FREM2: variants seen among roughly 807,000 people sequenced by gnomAD.
The protein encoded by FREM2 is FRAS1-related extracellular matrix protein 2.
FREM2 carries 119 observed loss-of-function variants against 219.9 expected under a neutral mutation model. That is an observed-to-expected ratio of 0.54 (90% confidence interval 0.47 to 0.63). The LOEUF (loss-of-function observed/expected upper bound fraction) is 0.63, where lower values mean the gene tolerates loss of function less well. FREM2 is among the 30% of genes least tolerant of loss of function. The probability of loss-of-function intolerance (pLI) is 0.00; values close to 1 mark genes in which losing one functional copy is unlikely to be tolerated. For synonymous variants in FREM2, 1,562 were observed against 1,522.8 expected (o/e 1.03, Z -0.60); for missense variants, 4,030 against 3,993.6 (o/e 1.01, Z -0.25).
At position 38,848,440 on chromosome 13, in the gene FREM2, AT is replaced by A; in HGVS notation, c.6170-14del. On this transcript the variant is annotated intron_variant, in intron 7 of 23. Transcript: ENST00000280481. ...AAATTTAATTAGTCCCCAACTGAAT[AT>A]TTTTTTGTTACTGTCATAGCTGGAA... 5.7e-6 allele frequency: 9 copies of A among 1,569,628 alleles called. No individual in the cohort carries two copies. Among genetic ancestry groups the A allele is most frequent in the Non-Finnish European group, 7.9e-6 (9 of 1,139,506 alleles).
rs374734549 is a variant in FREM2, at chr13:38,851,084, A to G, written c.6718A>G (p.Ile2240Val). 18 of 1,610,586 alleles carry G rather than the reference A, an allele frequency of 1.1e-5. No homozygotes were observed. In the Admixed American group the frequency reaches 1.5e-4, roughly 13 times the overall value. ...AGTTGGTGAACAAAATGAAACTCTC[A>G]TAAGGATCCGAGATGATGCTGATAG... ...AAVGEQNETL[I>V]RIRDDADKTV... The change falls in exon 10 of 24, where the codon ATA becomes GTA. Residue 2240 changes from isoleucine to valine, a missense_variant. Coordinates refer to ENST00000280481, the MANE Select transcript of FREM2 (RefSeq NM_207361.6).
intron 2 of FREM2, among the ~76,000 whole-genome samples, chr13:38,757,738 C>T (rs1309461549): frequency 6.6e-6 from 1 of 151,958 alleles, no homozygotes; most frequent in Admixed American, 6.6e-5. Context: ...GGGATTACAC[C>T]TGCCACCAAG....
At chr13:38,880,255 T>C in intron 23 of FREM2, 29 bp from the exon 24 acceptor site, 1 of 1,608,104 alleles carries the variant, frequency 6.2e-7, no homozygotes, top group Non-Finnish European at 8.5e-7. Context: ...TATCTAGTAT[T>C]TCCTAATAAA....
chr13:38,809,929 C>T (rs552308447), intron 6 of FREM2, among the ~76,000 whole-genome samples: 1 of 152,042 alleles, frequency 6.6e-6, no homozygotes, highest in Admixed American at 6.6e-5. Context: ...GTAGTATGAA[C>T]ATTTAAAAAT....
At chr13:38,819,126 G>T (rs549514317) in intron 6 of FREM2, among the ~76,000 whole-genome samples, 6 of 152,244 alleles carry the variant, frequency 3.9e-5, no homozygotes, top group Admixed American at 3.9e-4. Flanking sequence ...TAGTGGGTTT[G>T]TTAGCAATAG....
intron 16 of FREM2, among the ~76,000 whole-genome samples, chr13:38,866,693 A>G (rs1219672087): frequency 1.3e-5 from 2 of 151,008 alleles, no homozygotes; most frequent in Non-Finnish European, 2.9e-5. Flanking sequence ...AAATCACTTC[A>G]TGCTATTGAA....
chr13:38,695,762 G>T (rs538184969), intron 1 of FREM2, among the ~76,000 whole-genome samples: 10 of 151,862 alleles, frequency 6.6e-5, no homozygotes, highest in Non-Finnish European at 1.5e-4. Flanking sequence ...TTGTGTAGGG[G>T]CTTCAGTTCT....
In FREM2 at chr13:38,692,090, A is replaced by G. The variant is rs771535550; in HGVS notation, c.4746A>G (p.Leu1582=). ...ITQVPIHGHL[L]FNNTRPVMVF... ...AGGTGCCTATTCATGGCCATCTCCT[A>G]TTCAACAATACCAGACCTGTCATGG... Residue 1582 remains leucine (L), a synonymous_variant, in exon 1 of 24, where the codon CTA becomes CTG. Transcript: ENST00000280481. 1.2e-6 allele frequency: 2 copies of G among 1,614,172 alleles called. No individual in the cohort carries two copies. Among genetic ancestry groups the G allele is most frequent in the Admixed American group, 1.7e-5 (1 of 60,018 alleles).
intron 2 of FREM2, among the ~76,000 whole-genome samples, chr13:38,733,581 T>C (rs922125737): frequency 6.6e-6 from 1 of 152,150 alleles, no homozygotes; most frequent in African/African-American, 2.4e-5. Flanking sequence ...AGGATCTTGG[T>C]TTTTGCAATT....
At chr13:38,871,225 G>A (rs1434907872) in intron 16 of FREM2, among the ~76,000 whole-genome samples, 1 of 152,180 alleles carries the variant, frequency 6.6e-6, no homozygotes, top group Non-Finnish European at 1.5e-5. Context: ...TTTTATTAGG[G>A]ATTCAGGTCA....
chr13:38,858,763 T>C (rs1250659089), intron 13 of FREM2, among the ~76,000 whole-genome samples: 1 of 152,064 alleles, frequency 6.6e-6, no homozygotes, highest in Non-Finnish European at 1.5e-5. Flanking sequence ...ACTTCATTTG[T>C]TGGGTAGCGA....
At chr13:38,725,659 G>A (rs917173908) in intron 2 of FREM2, among the ~76,000 whole-genome samples, 1 of 152,172 alleles carries the variant, frequency 6.6e-6, no homozygotes. Context: ...CTGAGTGGAA[G>A]CCTGTCATTC....
Position 38,784,560 on chromosome 13 carries a change from C to G in FREM2, c.5771C>G (p.Thr1924Arg). The change falls in exon 6 of 24, where the codon ACA (threonine) becomes AGA (arginine). Residue 1924 changes from threonine (T) to arginine (R), a missense_variant. Coordinates refer to ENST00000280481, the MANE Select transcript of FREM2 (RefSeq NM_207361.6). ...LMVVCYTQQG[T>R]ATGTVPTSVL... ...TTTGAATTCTCTCTGCTTCCAGGAA[C>G]AGCAACTGGAACTGTGCCGACTTCC... 4 of 1,614,130 alleles carry G rather than the reference C, an allele frequency of 2.5e-6. No individual in the cohort carries two copies. Among genetic ancestry groups the G allele is most frequent in the Non-Finnish European group, 3.4e-6 (4 of 1,179,976 alleles).
intron 6 of FREM2, among the ~76,000 whole-genome samples, chr13:38,809,091 G>T (rs957308987): frequency 6.6e-6 from 1 of 151,124 alleles, no homozygotes; most frequent in South Asian, 2.1e-4. Flanking sequence ...TTTTAAAATT[G>T]TTATTTTTTT....
At chr13:38,842,221 G>A (rs550412652) in intron 6 of FREM2, among the ~76,000 whole-genome samples, 67 of 152,324 alleles carry the variant, frequency 4.4e-4, no homozygotes, top group Non-Finnish European at 8.5e-4. Flanking sequence ...ACCATGTTAA[G>A]TAGCTTGTGA....
At chr13:38,698,989 A>G (rs983574713) in intron 2 of FREM2, among the ~76,000 whole-genome samples, 3 of 152,182 alleles carry the variant, frequency 2.0e-5, no homozygotes, top group African/African-American at 7.2e-5. Context: ...GATGAAAGGC[A>G]TCTTAGCATA....
intron 6 of FREM2, among the ~76,000 whole-genome samples, chr13:38,843,190 C>T (rs1252570949): frequency 6.6e-6 from 1 of 152,036 alleles, no homozygotes; most frequent in Non-Finnish European, 1.5e-5. Flanking sequence ...TGGGTGTAGG[C>T]TATGAGATGT....
chr13:38,838,548 AGT>A (rs932274478), intron 6 of FREM2, among the ~76,000 whole-genome samples: 5 of 152,198 alleles, frequency 3.3e-5, no homozygotes, highest in African/African-American at 9.6e-5. Flanking sequence ...AATATCCTAA[AGT>A]GTGTTTTCAA....
intron 6 of FREM2, among the ~76,000 whole-genome samples, chr13:38,810,812 A>G (rs1875447614): frequency 6.6e-6 from 1 of 151,978 alleles, no homozygotes; most frequent in Non-Finnish European, 1.5e-5. Flanking sequence ...CTTTGGTATC[A>G]GGATAATGAT....
Sources: gnomAD v4.1 joint callset for allele counts (sites outside exome capture counted in the v4.1 genomes callset) on GRCh38, gnomAD v4.1.1 for gene constraint, MANE v1.5 for transcripts, NCBI Gene and HGNC (gene_info 2026-07-23, HGNC 2026-07-21) for gene names.